The following KCNH8 variants were observed in gnomAD, a reference collection of about 807,000 sequenced individuals.
The protein encoded by KCNH8 is potassium voltage-gated channel subfamily H member 8, also known as voltage-gated delayed rectifier potassium channel KCNH8.
A neutral mutation model predicts 103.6 loss-of-function variants in KCNH8; 70 were observed. The ratio of observed to expected loss-of-function variants is 0.68; its 90% confidence interval spans 0.56 to 0.82. The LOEUF is 0.82. KCNH8 is among the 40% of genes least tolerant of loss of function. The pLI, the probability that KCNH8 is intolerant of heterozygous loss-of-function variation, is 0.00. For synonymous variants in KCNH8, 498 were observed against 489.4 expected (o/e 1.02, Z -0.23); for missense variants, 1,217 against 1,329.9 (o/e 0.92, Z 1.32).
At chr3:19,216,717 G>A (rs932100756) in intron 1 of KCNH8, among the ~76,000 whole-genome samples, 3 of 152,168 alleles carry the variant, frequency 2.0e-5, no homozygotes, top group African/African-American at 7.2e-5. Flanking sequence ...ACAATGTGCT[G>A]CTCACTCATT....
chr3:19,333,911 C>T (rs954832601), intron 3 of KCNH8, among the ~76,000 whole-genome samples: 3 of 152,020 alleles, frequency 2.0e-5, no homozygotes, highest in Non-Finnish European at 4.4e-5. Flanking sequence ...ACACTTTTTC[C>T]CCCACAGTTC....
chr3:19,367,210 G>A (rs373532499), intron 5 of KCNH8, among the ~76,000 whole-genome samples: 13 of 151,470 alleles, frequency 8.6e-5, no homozygotes, highest in Admixed American at 2.6e-4. Flanking sequence ...TCCTCTTTAC[G>A]CAATTAAATT....
intron 7 of KCNH8, among the ~76,000 whole-genome samples, chr3:19,396,275 A>G (rs541057793): frequency 2.0e-5 from 3 of 152,136 alleles, no homozygotes; most frequent in African/African-American, 7.2e-5. Context: ...TCATACCAGC[A>G]CTTAATGGCT....
chr3:19,210,777 T>G (rs1278132804), intron 1 of KCNH8, among the ~76,000 whole-genome samples: 1 of 152,024 alleles, frequency 6.6e-6, no homozygotes, highest in Admixed American at 6.6e-5. Context: ...AAATGAGAGA[T>G]AAAAATGAAG....
At chr3:19,457,062 A>C in intron 11 of KCNH8, 80 bp downstream of exon 11, 1 of 898,788 alleles carries the variant, frequency 1.1e-6, no homozygotes, top group Non-Finnish European at 1.7e-6. Context: ...GGCAGATGTC[A>C]TGACCTCACC....
intron 1 of KCNH8, among the ~76,000 whole-genome samples, chr3:19,234,619 C>A (rs1294195103): frequency 1.3e-5 from 2 of 152,118 alleles, no homozygotes; most frequent in East Asian, 3.9e-4. Flanking sequence ...GCCCGCGCTT[C>A]TCCGAGCTCC....
intron 7 of KCNH8, among the ~76,000 whole-genome samples, chr3:19,432,990 T>A (rs1396831467): frequency 6.6e-6 from 1 of 152,148 alleles, no homozygotes; most frequent in Non-Finnish European, 1.5e-5. Flanking sequence ...GTTTTTTTGT[T>A]TGCTTGTCTT....
chr3:19,468,659 T>A (rs558645715), intron 11 of KCNH8, among the ~76,000 whole-genome samples: 1 of 152,340 alleles, frequency 6.6e-6, no homozygotes, highest in Non-Finnish European at 1.5e-5. Flanking sequence ...AAATAAAAGA[T>A]CTGCCTTCAA....
At chr3:19,399,045 G>A (rs1433092439) in intron 7 of KCNH8, among the ~76,000 whole-genome samples, 1 of 151,902 alleles carries the variant, frequency 6.6e-6, no homozygotes, top group East Asian at 1.9e-4. Flanking sequence ...TTGCACATAC[G>A]TAGGAAATTT....
rs761445247 is a variant in KCNH8, at chr3:19,513,077, C to A, written c.2187C>A (p.Pro729=). The change falls in exon 13 of 16, where the codon CCC becomes CCA. Residue 729 remains proline, a synonymous_variant. Coordinates refer to ENST00000328405, the MANE Select transcript of KCNH8 (RefSeq NM_144633.3). ...AAGAGGAGGCAGTCTCCCTCTCTCC[C>A]ATCTGCACAAGGGGATCTTCTTCGC... is the stretch of plus-strand genomic sequence containing the variant. ...GEEEEAVSLS[P]ICTRGSSSRN... 6.2e-7 allele frequency: 1 copy of A among 1,613,740 alleles called. No homozygotes were observed. Among genetic ancestry groups the A allele is most frequent in the Non-Finnish European group, 8.5e-7 (1 of 1,179,878 alleles).
At chr3:19,418,010 AGTTT>A (rs1445366171) in intron 7 of KCNH8, among the ~76,000 whole-genome samples, 2 of 152,202 alleles carry the variant, frequency 1.3e-5, no homozygotes, top group African/African-American at 2.4e-5. Flanking sequence ...CAAAAATGTT[AGTTT>A]GATGTATGTT....
chr3:19,421,779 G>A (rs2125157512), intron 7 of KCNH8, among the ~76,000 whole-genome samples: 1 of 151,900 alleles, frequency 6.6e-6, no homozygotes, highest in South Asian at 2.1e-4. Flanking sequence ...TTTAGCCATT[G>A]TTAATTTTAT....
intron 1 of KCNH8, among the ~76,000 whole-genome samples, chr3:19,238,182 A>T (rs2064089420): frequency 6.6e-6 from 1 of 152,292 alleles, no homozygotes; most frequent in South Asian, 2.1e-4. Flanking sequence ...TAACAGCGAG[A>T]TCACCGTATT....
chr3:19,254,306 G>C (rs189863430), intron 2 of KCNH8, among the ~76,000 whole-genome samples: 1 of 151,954 alleles, frequency 6.6e-6, no homozygotes, highest in East Asian at 1.9e-4. Context: ...ACAGAGATCT[G>C]TGTGTTCCCT....
At chr3:19,232,229 G>A (rs760655877) in intron 1 of KCNH8, among the ~76,000 whole-genome samples, 1 of 152,188 alleles carries the variant, frequency 6.6e-6, no homozygotes, top group African/African-American at 2.4e-5. Context: ...GATTGCAAAT[G>A]TCCTAATGTA....
At chr3:19,222,978 T>C (rs1439903170) in intron 1 of KCNH8, among the ~76,000 whole-genome samples, 2 of 152,196 alleles carry the variant, frequency 1.3e-5, no homozygotes, top group Admixed American at 6.5e-5. Flanking sequence ...CCTTATTTTA[T>C]ATGTTTTGAG....
chr3:19,475,482 T>C (rs1451927941), intron 11 of KCNH8, among the ~76,000 whole-genome samples: 3 of 152,258 alleles, frequency 2.0e-5, no homozygotes, highest in African/African-American at 7.2e-5. Flanking sequence ...ATAGTACAAT[T>C]TCAGGAAAAG....
intron 1 of KCNH8, among the ~76,000 whole-genome samples, chr3:19,180,462 T>C (rs559549952): frequency 6.6e-6 from 1 of 152,326 alleles, no homozygotes; most frequent in South Asian, 2.1e-4. Context: ...GCTTTGACTT[T>C]AGGAATATTA....
At chr3:19,478,323 T>C (rs1253375390) in intron 11 of KCNH8, among the ~76,000 whole-genome samples, 1 of 152,082 alleles carries the variant, frequency 6.6e-6, no homozygotes, top group African/African-American at 2.4e-5. Context: ...CTGGATTGAA[T>C]GGTGGTACTA....
Sources: gnomAD v4.1 joint callset for allele counts (sites outside exome capture counted in the v4.1 genomes callset) on GRCh38, gnomAD v4.1.1 for gene constraint, MANE v1.5 for transcripts, NCBI Gene and HGNC (gene_info 2026-07-23, HGNC 2026-07-21) for gene names.